The following ANO3 variants were observed in gnomAD, a reference collection of about 807,000 sequenced individuals.
ANO3 encodes anoctamin-3.
Under a neutral mutation model 144.8 loss-of-function variants are expected in ANO3, and 99 were observed. The ratio of observed to expected loss-of-function variants is 0.68; its 90% CI spans 0.58 to 0.81. The LOEUF (loss-of-function observed/expected upper bound fraction) is 0.81, where lower values mean the gene tolerates loss of function less well. Among genes scored for constraint, ANO3 ranks in the 30% least tolerant of loss-of-function variants. The pLI is 0.00. For missense variants in ANO3, 905 were observed against 1,202.2 expected (o/e 0.75, Z 3.66); for synonymous variants, 414 against 392.6 (o/e 1.05, Z -0.64).
At chr11:26,502,203 A>T (rs1861223610) in intron 4 of ANO3, among the ~76,000 whole-genome samples, 1 of 152,226 alleles carries the variant, frequency 6.6e-6, no homozygotes, top group South Asian at 2.1e-4. Flanking sequence ...ATCGCAATGT[A>T]AATGAATACA....
chr11:26,563,892 G>C (rs939695335), intron 14 of ANO3, among the ~76,000 whole-genome samples: 1 of 151,554 alleles, frequency 6.6e-6, no homozygotes, highest in Non-Finnish European at 1.5e-5. Context: ...CTTTTCACTC[G>C]GTATCTTATT....
At chr11:26,323,822 GA>G (rs902001257) in intron 1 of ANO3, among the ~76,000 whole-genome samples, 5 of 151,776 alleles carry the variant, frequency 3.3e-5, no homozygotes, top group East Asian at 1.9e-4. Flanking sequence ...TGTTTATTTA[GA>G]AAAAAAAGCT....
intron 5 of ANO3, among the ~76,000 whole-genome samples, chr11:26,512,868 G>T (rs1861719952): frequency 6.6e-6 from 1 of 152,116 alleles, no homozygotes; most frequent in Non-Finnish European, 1.5e-5. Flanking sequence ...TTGCTTTCTT[G>T]TCTCTATCAC....
intron 1 of ANO3, among the ~76,000 whole-genome samples, chr11:26,201,365 C>T (rs1436900881): frequency 3.3e-5 from 5 of 152,088 alleles, no homozygotes; most frequent in Admixed American, 6.6e-5. Context: ...AGATAAGAAC[C>T]AAGAATTCAT....
intron 1 of ANO3, among the ~76,000 whole-genome samples, chr11:26,315,520 G>T (rs1854601271): frequency 6.6e-6 from 1 of 151,972 alleles, no homozygotes; most frequent in African/African-American, 2.4e-5. Flanking sequence ...GAAGTATAAT[G>T]AACTAGAGAT....
chr11:26,356,575 CATT>C, intron 1 of ANO3, among the ~76,000 whole-genome samples: 1 of 152,044 alleles, frequency 6.6e-6, no homozygotes, highest in East Asian at 1.9e-4. Flanking sequence ...ATGAATTGCT[CATT>C]ATTTTTCATT....
intron 1 of ANO3, among the ~76,000 whole-genome samples, chr11:26,236,807 G>C (rs1226959571): frequency 8.3e-6 from 1 of 119,800 alleles, no homozygotes; most frequent in Non-Finnish European, 1.6e-5. Flanking sequence ...GACAGAGTGA[G>C]ACTCCGTCTC....
intron 24 of ANO3, among the ~76,000 whole-genome samples, chr11:26,649,837 G>A (rs1853470757): frequency 1.3e-5 from 2 of 152,076 alleles, no homozygotes; most frequent in African/African-American, 4.8e-5. Context: ...GAGGGATTTC[G>A]TATTAGTAGT....
intron 1 of ANO3, among the ~76,000 whole-genome samples, chr11:26,267,132 T>C (rs546277882): frequency 6.6e-6 from 1 of 151,192 alleles, no homozygotes; most frequent in East Asian, 2.0e-4. Context: ...AAAAGACTTT[T>C]GTATATAAAG....
intron 1 of ANO3, among the ~76,000 whole-genome samples, chr11:26,282,132 G>A (rs78097307): frequency 0.06 from 9,136 of 152,116 alleles, 508 homozygotes; most frequent in African/African-American, 0.15. Flanking sequence ...AGCCTGCTTC[G>A]GAGGGTGTTA....
chr11:26,388,340 G>A (rs1310293425), intron 1 of ANO3, among the ~76,000 whole-genome samples: 1 of 151,864 alleles, frequency 6.6e-6, no homozygotes, highest in Admixed American at 6.6e-5. Context: ...TCTTCCTAAA[G>A]TGACTGTAAG....
intron 26 of ANO3, among the ~76,000 whole-genome samples, chr11:26,657,080 C>T (rs1423202395): frequency 6.6e-6 from 1 of 152,038 alleles, no homozygotes; most frequent in African/African-American, 2.4e-5. Flanking sequence ...TAATTTAGCA[C>T]TGGGATATAT....
intron 4 of ANO3, among the ~76,000 whole-genome samples, chr11:26,464,584 C>T (rs1285361852): frequency 6.6e-6 from 1 of 151,844 alleles, no homozygotes; most frequent in Non-Finnish European, 1.5e-5. Flanking sequence ...AGCAATTTCC[C>T]AAGTTCCACT....
At chr11:26,599,810 G>A (rs1456632513) in intron 17 of ANO3, 96 bp downstream of exon 17, 3 of 1,096,088 alleles carry the variant, frequency 2.7e-6, no homozygotes, top group Non-Finnish European at 3.8e-6. Context: ...TTTACATGGA[G>A]CCAAAATAAG....
intron 22 of ANO3, among the ~76,000 whole-genome samples, chr11:26,642,369 A>T (rs1590668403): frequency 1.0e-5 from 1 of 97,790 alleles, no homozygotes; most frequent in African/African-American, 4.3e-5. Context: ...TTTTTTTGAG[A>T]CAGTGTCTTG....
At position 26,298,918 on chromosome 11, in the gene ANO3, T is replaced by C. The variant is rs576791158; in HGVS notation, c.155-10727T>C. Among the ~76,000 whole-genome samples the C allele has an allele frequency of 2.6e-5, 4 of 152,308 alleles. No individual in the cohort carries two copies. The South Asian group carries it at 8.3e-4, about 32-fold the overall frequency. ...GGGAGCCAAGATCAGAGAGATCATT[T>C]GGGAATGTCGAGTTTGGACTTGATT... On this transcript the variant is annotated intron_variant, in intron 1 of 27. Transcript: ENST00000672621.
intron 14 of ANO3, chr11:26,563,279 A>C: frequency 6.3e-7 from 1 of 1,580,126 alleles, no homozygotes. Context: ...CAGGACAAAA[A>C]AAATTTAAAG....
intron 1 of ANO3, among the ~76,000 whole-genome samples, chr11:26,352,472 A>C (rs2133914288): frequency 6.6e-6 from 1 of 152,280 alleles, no homozygotes. Context: ...GTAGAAATGA[A>C]GATTCACTCA....
intron 4 of ANO3, among the ~76,000 whole-genome samples, chr11:26,501,461 A>G (rs1052271911): frequency 6.6e-6 from 1 of 152,190 alleles, no homozygotes; most frequent in Non-Finnish European, 1.5e-5. Flanking sequence ...GGGAGCAGAT[A>G]CTGGCAGCAT....
Sources: allele counts gnomAD v4.1 joint callset (sites outside exome capture counted in the v4.1 genomes callset), GRCh38; gene constraint gnomAD v4.1.1; transcripts MANE v1.5; gene names NCBI Gene and HGNC (gene_info 2026-07-23, HGNC 2026-07-21).